Variants in TEX2 observed in about 807,000 individuals in gnomAD.
TEX2 encodes testis expressed 2, also known as testis-expressed protein 2.
In TEX2, 53 loss-of-function variants were observed where a neutral mutation model predicts 106.9. The observed-to-expected ratio is 0.50, with a 90% CI of 0.40 to 0.62. The LOEUF (loss-of-function observed/expected upper bound fraction) is 0.62. Among genes scored for constraint, TEX2 ranks in the 20% least tolerant of loss-of-function variants. The probability of loss-of-function intolerance (pLI) is 0.00; values close to 1 mark genes in which losing one functional copy is unlikely to be tolerated. For missense variants in TEX2, 1,207 were observed against 1,379.0 expected (o/e 0.88, Z 1.98); for synonymous variants, 523 against 534.8 (o/e 0.98, Z 0.30).
At chr17:64,198,803 T>C (rs1555629717) in intron 2 of TEX2, among the ~76,000 whole-genome samples, 1 of 152,068 alleles carries the variant, frequency 6.6e-6, no homozygotes, top group African/African-American at 2.4e-5. Flanking sequence ...CAGATACATG[T>C]ACAAAAGCCA....
chr17:64,256,805 C>A (rs2034193158), intron 1 of TEX2, among the ~76,000 whole-genome samples: 1 of 152,128 alleles, frequency 6.6e-6, no homozygotes, highest in Non-Finnish European at 1.5e-5. Context: ...TTCAGTCAAT[C>A]CTTTCAGTAA....
chr17:64,210,321 A>C (rs1164421100), intron 2 of TEX2, among the ~76,000 whole-genome samples: 1 of 152,234 alleles, frequency 6.6e-6, no homozygotes, highest in African/African-American at 2.4e-5. Flanking sequence ...TTGCCATGTG[A>C]AAGAAAGAAA....
intron 8 of TEX2, among the ~76,000 whole-genome samples, chr17:64,157,586 C>G (rs9303468): frequency 6.6e-6 from 1 of 152,060 alleles, no homozygotes; most frequent in African/African-American, 2.4e-5. Context: ...TAAATGAAGA[C>G]GCATAATTAA....
intron 1 of TEX2, among the ~76,000 whole-genome samples, chr17:64,257,876 C>T (rs2034212521): frequency 6.6e-6 from 1 of 151,722 alleles, no homozygotes; most frequent in South Asian, 2.1e-4. Context: ...AATCTTCTAT[C>T]TCCGAAAATT....
At position 64,212,844 on chromosome 17, in the gene TEX2, A is replaced by C. The variant is rs782815580; in HGVS notation, c.1374T>G (p.Ser458Arg). ...VLAEDGVVLD[S>R]EDEVDSAVQH... is the part of the protein sequence containing the mutation. ...GCACGGCCGAGTCCACCTCGTCCTC[A>C]CTGTCAAGGACCACACCATCTTCCG... Residue 458 changes from serine to arginine, a missense_variant, in exon 2 of 12, where the codon AGT becomes AGG. Ser to Arg is a moderately radical substitution (Grantham distance 110). Coordinates refer to ENST00000584379, the MANE Select transcript of TEX2 (RefSeq NM_001288732.2). The C allele has an allele frequency of 6.2e-7, 1 of 1,614,074 alleles. No homozygotes were observed. The highest frequency in any genetic ancestry group is 1.3e-5 in the African/African-American group (1 of 75,038).
At chr17:64,240,797 T>C (rs11869645) in intron 1 of TEX2, among the ~76,000 whole-genome samples, 1,876 of 152,132 alleles carry the variant, frequency 0.012, 27 homozygotes, top group Middle Eastern at 0.031. Flanking sequence ...ATTGTGGGGA[T>C]TAAAGGAAGA....
At chr17:64,199,209 A>C (rs1223466967) in intron 2 of TEX2, among the ~76,000 whole-genome samples, 1 of 152,166 alleles carries the variant, frequency 6.6e-6, no homozygotes, top group Non-Finnish European at 1.5e-5. Context: ...GTGAGCCATA[A>C]ATGTGATCAT....
intron 1 of TEX2, among the ~76,000 whole-genome samples, chr17:64,233,455 C>A (rs1944032312): frequency 6.6e-6 from 1 of 152,158 alleles, no homozygotes; most frequent in African/African-American, 2.4e-5. Flanking sequence ...CGCCTGTAAT[C>A]CCAGCTACTT....
intron 2 of TEX2, 47 bp downstream of exon 2, chr17:64,212,527 G>C (rs368409049): frequency 2.0e-6 from 3 of 1,486,236 alleles, no homozygotes; most frequent in Non-Finnish European, 2.8e-6. Flanking sequence ...AAATACGGCT[G>C]TATGTGAGAA....
chr17:64,224,988 A>C (rs879976872), intron 1 of TEX2, among the ~76,000 whole-genome samples: 2 of 152,202 alleles, frequency 1.3e-5, no homozygotes, highest in African/African-American at 2.4e-5. Flanking sequence ...TAGACATCAG[A>C]AAATGACATC....
chr17:64,166,560 G>T (rs1051034037), intron 7 of TEX2, among the ~76,000 whole-genome samples: 5 of 152,246 alleles, frequency 3.3e-5, no homozygotes, highest in African/African-American at 1.2e-4. Context: ...CAATCTGACT[G>T]CCCTTTCAAG....
At chr17:64,198,073 T>A (rs2032536871) in intron 2 of TEX2, among the ~76,000 whole-genome samples, 1 of 152,180 alleles carries the variant, frequency 6.6e-6, no homozygotes, top group African/African-American at 2.4e-5. Flanking sequence ...TGGTTTTTAG[T>A]GTAATTTCAT....
Position 64,195,049 on chromosome 17 carries a change from G to A in TEX2, c.1691C>T (p.Ala564Val), listed in dbSNP as rs1360731326. 6 of 1,614,114 alleles carry A rather than the reference G, an allele frequency of 3.7e-6. No individual in the cohort carries two copies. Among genetic ancestry groups the A allele is most frequent in the South Asian group, 2.2e-5 (2 of 91,084 alleles). The change falls in exon 3 of 12, where the codon GCG becomes GTG. Residue 564 changes from alanine to valine, a missense_variant. This residue lies in a region of TEX2 where 1,067 missense variants were observed against 1,193.6 expected (regional missense o/e 0.89). Coordinates refer to ENST00000584379, the MANE Select transcript of TEX2 (RefSeq NM_001288732.2). This position sits in a 1 kb window ranked among gnomAD's most constrained non-coding sequence, Gnocchi z 4.1. The stretch of plus-strand genomic sequence containing the variant: ...AACAAAGACTGAATGTGTCAAAGTC[G>A]CATGGTAGGTTTCTGGATCATAGTT... ...IYNYDPETYH[A>V]TLTHSVFVRL...
intron 2 of TEX2, among the ~76,000 whole-genome samples, chr17:64,204,545 G>T (rs1171485807): frequency 6.6e-6 from 1 of 152,204 alleles, no homozygotes; most frequent in Admixed American, 6.5e-5. Flanking sequence ...GATACAGACG[G>T]AAACTTTACT....
chr17:64,178,538 C>T (rs953968716), intron 5 of TEX2, among the ~76,000 whole-genome samples: 3 of 152,176 alleles, frequency 2.0e-5, no homozygotes, highest in Non-Finnish European at 4.4e-5. Flanking sequence ...CATCCTCTAT[C>T]TGCTCTGTCC....
At position 64,185,357 on chromosome 17, in the gene TEX2, A is replaced by G. The variant is rs564513684; in HGVS notation, c.2424+2811T>C. Among the ~76,000 whole-genome samples the G allele has an allele frequency of 6.6e-6, 1 of 152,222 alleles. No individual in the cohort carries two copies. The highest frequency in any genetic ancestry group is 2.4e-5 in the African/African-American group (1 of 41,528). On this transcript the variant is annotated intron_variant, in intron 5 of 11. Coordinates refer to ENST00000584379, the MANE Select transcript of TEX2 (RefSeq NM_001288732.2). This position sits in a 1 kb window ranked among gnomAD's most constrained non-coding sequence, Gnocchi z 4.0. Reference sequence around the variant, plus strand: ...CACACAGAACCAGCAGCCTCCCTGGACTCACACCCCTGAGCAAATCTGCAG... The same window carrying G: ...CACACAGAACCAGCAGCCTCCCTGGGCTCACACCCCTGAGCAAATCTGCAG...
At chr17:64,214,288 A>T in intron 1 of TEX2, 46 bp from the exon 2 acceptor site, 1 of 1,484,112 alleles carries the variant, frequency 6.7e-7, no homozygotes, top group Non-Finnish European at 9.2e-7. Flanking sequence ...CAGTTTCTCC[A>T]CAGGAGACGC....
At chr17:64,253,074 G>C (rs2034121170) in intron 1 of TEX2, among the ~76,000 whole-genome samples, 1 of 152,188 alleles carries the variant, frequency 6.6e-6, no homozygotes, top group Admixed American at 6.5e-5. Context: ...TCGGAATGTA[G>C]ATTTTATCCC....
At chr17:64,160,459 C>A (rs753769736) in intron 8 of TEX2, among the ~76,000 whole-genome samples, 8 of 152,142 alleles carry the variant, frequency 5.3e-5, no homozygotes, top group African/African-American at 1.9e-4. Flanking sequence ...CTGTTTATGA[C>A]CGGAAGGATC....
Sources: allele counts gnomAD v4.1 joint callset (sites outside exome capture counted in the v4.1 genomes callset), GRCh38; gene constraint gnomAD v4.1.1; regional missense constraint gnomAD v4.1.1; non-coding constraint Gnocchi (gnomAD v3.1); transcripts MANE v1.5; gene names NCBI Gene and HGNC (gene_info 2026-07-23, HGNC 2026-07-21).